The following PRKG1 variants were observed in gnomAD, a reference collection of about 807,000 sequenced individuals.
PRKG1 encodes protein kinase cGMP-dependent 1.
A neutral mutation model predicts 88.1 loss-of-function variants in PRKG1; 35 were observed. The observed-to-expected ratio is 0.40, with a 90% CI of 0.30 to 0.53. The LOEUF is 0.53. Among genes scored for constraint, PRKG1 ranks in the 20% least tolerant of loss-of-function variants. The probability of loss-of-function intolerance (pLI) is 0.59; values close to 1 mark genes in which losing one functional copy is unlikely to be tolerated. For synonymous variants in PRKG1, 303 were observed against 292.5 expected (o/e 1.04, Z -0.37); for missense variants, 540 against 839.8 (o/e 0.64, Z 4.41).
At chr10:52,086,200 A>G (rs1846909317) in intron 7 of PRKG1, among the ~76,000 whole-genome samples, 2 of 151,622 alleles carry the variant, frequency 1.3e-5, no homozygotes, top group African/African-American at 2.4e-5. Context: ...CATCCTTTCC[A>G]CCCTGTTCTC....
At chr10:51,682,234 G>A (rs952759401) in intron 3 of PRKG1, among the ~76,000 whole-genome samples, 6 of 152,168 alleles carry the variant, frequency 3.9e-5, no homozygotes, top group Admixed American at 3.9e-4. Flanking sequence ...TGTCAACTTT[G>A]TATTAGATTT....
intron 3 of PRKG1, among the ~76,000 whole-genome samples, chr10:51,580,031 G>C (rs1487919547): frequency 6.6e-6 from 1 of 151,890 alleles, no homozygotes; most frequent in African/African-American, 2.4e-5. Flanking sequence ...TTCTCCAGTT[G>C]GTCTGCATCT....
At chr10:51,125,929 T>C (rs1845386875) in intron 1 of PRKG1, among the ~76,000 whole-genome samples, 1 of 133,018 alleles carries the variant, frequency 7.5e-6, no homozygotes, top group South Asian at 2.2e-4. Context: ...ATATATAAAT[T>C]ATATGATTTA....
At chr10:51,551,102 G>A (rs1054116749) in intron 3 of PRKG1, among the ~76,000 whole-genome samples, 1 of 151,776 alleles carries the variant, frequency 6.6e-6, no homozygotes, top group Non-Finnish European at 1.5e-5. Flanking sequence ...TGTTCTGTGT[G>A]CAATGGTATA....
intron 5 of PRKG1, among the ~76,000 whole-genome samples, chr10:51,947,201 G>A (rs868043141): frequency 6.6e-6 from 1 of 152,108 alleles, no homozygotes; most frequent in Non-Finnish European, 1.5e-5. Flanking sequence ...CTGCCGCCTT[G>A]CAGTTTGATC....
chr10:51,092,701 A>G (rs1201990787), intron 1 of PRKG1, among the ~76,000 whole-genome samples: 3 of 151,514 alleles, frequency 2.0e-5, no homozygotes, highest in Admixed American at 6.6e-5. Flanking sequence ...CGGGTACCAG[A>G]AATGAAGTTT....
At chr10:51,855,898 A>ATTATTT (rs1840668323) in intron 4 of PRKG1, among the ~76,000 whole-genome samples, 1 of 152,206 alleles carries the variant, frequency 6.6e-6, no homozygotes, top group Non-Finnish European at 1.5e-5. Flanking sequence ...AAAACAAATT[A>ATTATTT]TTATTTTATA....
chr10:51,673,676 A>G (rs778023797), intron 3 of PRKG1, among the ~76,000 whole-genome samples: 1 of 152,204 alleles, frequency 6.6e-6, no homozygotes, highest in Non-Finnish European at 1.5e-5. Context: ...TATTGAATGC[A>G]TGTGGGATAT....
intron 3 of PRKG1, among the ~76,000 whole-genome samples, chr10:51,483,536 T>G (rs765378926): frequency 6.6e-6 from 1 of 152,232 alleles, no homozygotes; most frequent in Non-Finnish European, 1.5e-5. Flanking sequence ...CAGGTCTTTA[T>G]AGGTGTAGAC....
At chr10:51,970,327 G>A (rs1275640072) in intron 5 of PRKG1, among the ~76,000 whole-genome samples, 1 of 151,470 alleles carries the variant, frequency 6.6e-6, no homozygotes, top group Non-Finnish European at 1.5e-5. Context: ...TCCAGTATAG[G>A]ATCAAGTATT....
chr10:51,659,212 G>A (rs984985836), intron 3 of PRKG1, among the ~76,000 whole-genome samples: 1 of 152,066 alleles, frequency 6.6e-6, no homozygotes, highest in Admixed American at 6.6e-5. Flanking sequence ...TGGGTTAGGG[G>A]TCCAGTAGAG....
intron 2 of PRKG1, among the ~76,000 whole-genome samples, chr10:51,183,503 G>T (rs1191949511): frequency 6.6e-6 from 1 of 152,042 alleles, no homozygotes; most frequent in Non-Finnish European, 1.5e-5. Flanking sequence ...ACCATTTATT[G>T]CACGTGGTCA....
At chr10:51,071,890 T>C (rs901950190), upstream of PRKG1, among the ~76,000 whole-genome samples, 1 of 152,180 alleles carries the variant, frequency 6.6e-6, no homozygotes, top group Non-Finnish European at 1.5e-5. Context: ...TTAAAATATT[T>C]GTTTTCACTT....
chr10:51,563,315 T>C (rs1368075402), intron 3 of PRKG1, among the ~76,000 whole-genome samples: 1 of 152,150 alleles, frequency 6.6e-6, no homozygotes, highest in East Asian at 1.9e-4. Flanking sequence ...ATTTTAAATA[T>C]ACAGAAATGA....
At chr10:51,871,728 C>A (rs543554262) in intron 4 of PRKG1, among the ~76,000 whole-genome samples, 1 of 152,176 alleles carries the variant, frequency 6.6e-6, no homozygotes, top group Non-Finnish European at 1.5e-5. Context: ...GACTTGACTT[C>A]CCCCAACTCT....
intron 1 of PRKG1, among the ~76,000 whole-genome samples, chr10:51,109,183 C>T (rs1208697715): frequency 6.6e-6 from 1 of 151,852 alleles, no homozygotes; most frequent in African/African-American, 2.4e-5. Context: ...TTAGGGCAAT[C>T]CCAATAAAAA....
At chr10:51,769,713 A>G (rs536042784) in intron 3 of PRKG1, among the ~76,000 whole-genome samples, 51 of 152,302 alleles carry the variant, frequency 3.3e-4, no homozygotes, top group South Asian at 8.3e-4. Context: ...GATGACTTGG[A>G]TGGCTTTTAT....
At chr10:51,194,996 G>A (rs921851710) in intron 2 of PRKG1, among the ~76,000 whole-genome samples, 1 of 152,106 alleles carries the variant, frequency 6.6e-6, no homozygotes, top group Non-Finnish European at 1.5e-5. Context: ...CTGTTGCATT[G>A]GGATTAAATT....
At chr10:51,469,438 T>C (rs1011003271) in intron 3 of PRKG1, among the ~76,000 whole-genome samples, 1 of 151,804 alleles carries the variant, frequency 6.6e-6, no homozygotes, top group African/African-American at 2.4e-5. Context: ...AACATGGAAT[T>C]TTTATTAAAG....
Sources: allele counts gnomAD v4.1 joint callset (sites outside exome capture counted in the v4.1 genomes callset), GRCh38; gene constraint gnomAD v4.1.1; transcripts MANE v1.5; gene names NCBI Gene and HGNC (gene_info 2026-07-23, HGNC 2026-07-21).